The following ITCH variants were observed in gnomAD, a reference collection of about 807,000 sequenced individuals.
ITCH encodes itchy E3 ubiquitin protein ligase.
ITCH carries 28 observed loss-of-function variants against 126.8 expected under a neutral mutation model. The observed-to-expected ratio is 0.22, with a 90% CI of 0.16 to 0.30. The LOEUF (loss-of-function observed/expected upper bound fraction) is 0.30. Among genes scored for constraint, ITCH ranks in the 10% least tolerant of loss-of-function variants. The pLI is 1.00. For missense variants in ITCH, 631 were observed against 1,032.4 expected (o/e 0.61, Z 5.33); for synonymous variants, 342 against 340.0 (o/e 1.01, Z -0.06).
At chr20:34,370,342 A>G (rs1333050330) in intron 2 of ITCH, among the ~76,000 whole-genome samples, 2 of 152,096 alleles carry the variant, frequency 1.3e-5, no homozygotes, top group Non-Finnish European at 2.9e-5. Flanking sequence ...AAATCTTTAG[A>G]AAAGGAAATG....
intron 3 of ITCH, among the ~76,000 whole-genome samples, chr20:34,400,704 G>T (rs1163894722): frequency 3.6e-5 from 5 of 138,588 alleles, no homozygotes; most frequent in African/African-American, 5.4e-5. Context: ...GGAGTGCAGT[G>T]GCGCGATCTC....
At chr20:34,429,866 G>A (rs1473805915) in intron 7 of ITCH, among the ~76,000 whole-genome samples, 1 of 152,030 alleles carries the variant, frequency 6.6e-6, no homozygotes, top group East Asian at 1.9e-4. Flanking sequence ...AATAATATTT[G>A]ACCTAAGACC....
intron 7 of ITCH, among the ~76,000 whole-genome samples, chr20:34,436,879 C>T (rs1303605885): frequency 2.0e-5 from 3 of 152,132 alleles, no homozygotes; most frequent in Non-Finnish European, 4.4e-5. Flanking sequence ...GTAATTGTAG[C>T]ACTTTGGGAG....
chr20:34,461,862 G>A (rs1986549965), intron 13 of ITCH, among the ~76,000 whole-genome samples: 1 of 152,198 alleles, frequency 6.6e-6, no homozygotes, highest in Non-Finnish European at 1.5e-5. Context: ...ATTAGCTAAT[G>A]GGGAACATAA....
chr20:34,375,923 T>C (rs2037826611), intron 2 of ITCH, among the ~76,000 whole-genome samples: 1 of 151,996 alleles, frequency 6.6e-6, no homozygotes, highest in African/African-American at 2.4e-5. Context: ...TACTTTAAAG[T>C]GTACAATTCA....
At chr20:34,488,069 A>G (rs1191077254) in intron 20 of ITCH, among the ~76,000 whole-genome samples, 1 of 152,088 alleles carries the variant, frequency 6.6e-6, no homozygotes, top group Non-Finnish European at 1.5e-5. Flanking sequence ...TTCTTGCTTT[A>G]ATTTTTAACT....
At chr20:34,392,731 A>AG (rs971674532) in intron 2 of ITCH, among the ~76,000 whole-genome samples, 4 of 151,516 alleles carry the variant, frequency 2.6e-5, no homozygotes, top group African/African-American at 7.3e-5. Flanking sequence ...TTCTTTTTTG[A>AG]GGTAGGGTCT....
In ITCH at chr20:34,372,082, G is replaced by A. The variant is rs2037653081; in HGVS notation, c.-22+2612G>A. ...AGCACTTTGGGAGGCTGAGGCGGGCGGATCACGAGGTCAGAAGATCGAGAC... is the reference window on the plus strand; with the variant it reads ...AGCACTTTGGGAGGCTGAGGCGGGCAGATCACGAGGTCAGAAGATCGAGAC... On this transcript the variant is annotated intron_variant, in intron 2 of 24. Transcript: ENST00000374864. Among the ~76,000 whole-genome samples the A allele has an allele frequency of 2.6e-5, 4 of 151,932 alleles. No individual in the cohort carries two copies. The East Asian group carries it at 5.9e-4, about 22-fold the overall frequency.
intron 9 of ITCH, 134 bp downstream of exon 9, chr20:34,440,478 G>T (rs949078258): frequency 2.9e-5 from 21 of 715,752 alleles, no homozygotes; most frequent in Non-Finnish European, 4.5e-5. Context: ...TTTTTTTTTT[G>T]AGATGGAGTG....
rs1984339583 is a variant in ITCH at position 34,445,475 on chromosome 20, TG to T, written c.1140+15del. 6.2e-7 allele frequency: 1 copy of T among 1,612,782 alleles called. No individual in the cohort carries two copies. Among genetic ancestry groups the T allele is most frequent in the East Asian group, 2.2e-5 (1 of 44,894 alleles). On this transcript the variant is annotated intron_variant, in intron 11 of 24. Coordinates refer to ENST00000374864, the MANE Select transcript of ITCH (RefSeq NM_031483.7). The stretch of plus-strand genomic sequence containing the variant: ...TTCATTTATGGGGTGAGCAGCCTGT[TG>T]TTTAATAAACTAATAAGAGTATTTT...
At chr20:34,462,709 A>G (rs185822150) in intron 14 of ITCH, among the ~76,000 whole-genome samples, 18 of 152,332 alleles carry the variant, frequency 1.2e-4, no homozygotes, top group African/African-American at 4.3e-4. Flanking sequence ...CATTACCACC[A>G]TCCATCTCCA....
rs375212186 is a variant in ITCH, at chr20:34,445,310, T to G, written c.989T>G (p.Met330Arg). The change falls in exon 11 of 25, where the codon ATG becomes AGG. Residue 330 changes from methionine to arginine, a missense_variant. Met to Arg is a moderately conservative substitution (Grantham distance 91). This residue lies in a region of ITCH where 390 missense variants were observed against 731.6 expected (regional missense o/e 0.53). Coordinates refer to ENST00000374864, the MANE Select transcript of ITCH (RefSeq NM_031483.7). ...PPGWERRVDNMGRIYYVDHFT... is the reference protein window; with the variant it reads ...PPGWERRVDNRGRIYYVDHFT... ...AGCTGGGAACGGCGGGTTGACAACA[T>G]GGGACGTATTTATTATGTTGACCAT... The G allele has an allele frequency of 4.2e-5, 67 of 1,603,814 alleles. No individual in the cohort carries two copies. The highest frequency in any genetic ancestry group is 5.7e-5 in the Non-Finnish European group (67 of 1,174,888).
At chr20:34,507,196 A>C (rs1043085350) in intron 24 of ITCH, among the ~76,000 whole-genome samples, 4 of 147,812 alleles carry the variant, frequency 2.7e-5, no homozygotes, top group Non-Finnish European at 5.9e-5. Context: ...TTATATTCCT[A>C]CCTGTAGTGC....
At chr20:34,412,700 T>C in intron 5 of ITCH, 61 bp downstream of exon 5, 1 of 1,387,840 alleles carries the variant, frequency 7.2e-7, no homozygotes, top group Non-Finnish European at 1.0e-6. Flanking sequence ...AAGAAATTTA[T>C]ATGTCAAACA....
intron 12 of ITCH, among the ~76,000 whole-genome samples, chr20:34,455,637 T>C (rs559275833): frequency 1.4e-4 from 22 of 151,776 alleles, no homozygotes; most frequent in Admixed American, 1.2e-3. Flanking sequence ...TAATTTTTTT[T>C]TTTTTTCTTT....
chr20:34,499,305 T>TTTTTTTTTTTTTTTTTTTTTTTCTTG, intron 23 of ITCH, among the ~76,000 whole-genome samples: 1 of 140,926 alleles, frequency 7.1e-6, no homozygotes, highest in African/African-American at 2.8e-5. Context: ...TTTTTTTTTT[T>TTTTTTTTTTTTTTTTTTTTTTTCTTG]TGAGACAGTC....
At chr20:34,444,588 C>CA (rs933091739) in intron 10 of ITCH, among the ~76,000 whole-genome samples, 33 of 145,716 alleles carry the variant, frequency 2.3e-4, no homozygotes, top group South Asian at 1.5e-3. Context: ...ACTCTGTCTC[C>CA]AAAAAAAAAA....
Position 34,442,215 on chromosome 20 carries a change from CAG to C in ITCH, c.882_883del (p.Arg294SerfsTer14). On this transcript the variant is annotated frameshift_variant, in exon 10 of 25. Transcript: ENST00000374864. LOFTEE classifies it high-confidence loss of function. ...TQAPLPPGWE[Q>X]RVDQHGRVYY... ...TTTAATTTTGTATTTAAGTTGGGAG[CAG>C]AGAGTGGACCAGCACGGGCGAGTTT... 6.2e-7 allele frequency: 1 copy of C among 1,612,834 alleles called. No homozygotes were observed. Among genetic ancestry groups the C allele is most frequent in the Non-Finnish European group, 8.5e-7 (1 of 1,178,912 alleles).
At chr20:34,477,528 A>G (rs1988347126) in intron 16 of ITCH, among the ~76,000 whole-genome samples, 1 of 152,192 alleles carries the variant, frequency 6.6e-6, no homozygotes, top group African/African-American at 2.4e-5. Context: ...AGACTGTCTA[A>G]AAGTAAATAA....
Sources: allele counts gnomAD v4.1 joint callset (sites outside exome capture counted in the v4.1 genomes callset), GRCh38; gene constraint gnomAD v4.1.1; regional missense constraint gnomAD v4.1.1; transcripts MANE v1.5; gene names NCBI Gene and HGNC (gene_info 2026-07-23, HGNC 2026-07-21).